The following DACH2 variants were observed in gnomAD, a reference collection of about 807,000 sequenced individuals.
The protein encoded by DACH2 is dachshund homolog 2.
In DACH2, 17 loss-of-function variants were observed where a neutral mutation model predicts 35.8. That is an observed-to-expected ratio of 0.48 (90% CI 0.33 to 0.71). The LOEUF is 0.71. Among genes scored for constraint, DACH2 ranks in the 30% least tolerant of loss-of-function variants. The pLI, the probability that DACH2 is intolerant of heterozygous loss-of-function variation, is 0.02. For missense variants in DACH2, 469 were observed against 472.7 expected (o/e 0.99, Z 0.07); for synonymous variants, 195 against 177.3 (o/e 1.10, Z -0.79).
chrX:86,597,552 T>A (rs2148355098), intron 3 of DACH2, among the ~76,000 whole-genome samples: 1 of 111,837 alleles, frequency 8.9e-6, no homozygotes, highest in African/African-American at 3.2e-5. Flanking sequence ...TTCTTTAAAT[T>A]TATTGAGATT....
At chrX:86,738,904 C>T (rs192353661) in intron 6 of DACH2, among the ~76,000 whole-genome samples, 2 of 111,005 alleles carry the variant, frequency 1.8e-5, no homozygotes, top group Admixed American at 1.9e-4. Context: ...TGAAGTTTTG[C>T]TCTTGTTGCC....
intron 1 of DACH2, among the ~76,000 whole-genome samples, chrX:86,359,205 G>A (rs1222457092): frequency 2.8e-5 from 3 of 107,904 alleles, no homozygotes; most frequent in African/African-American, 1.0e-4. Flanking sequence ...TATTGATTCT[G>A]GTGAGAAATA....
chrX:86,344,527 T>A (rs1382710887), intron 1 of DACH2, among the ~76,000 whole-genome samples: 1 of 110,574 alleles, frequency 9.0e-6, no homozygotes, highest in Non-Finnish European at 1.9e-5. Flanking sequence ...CTGAAATGTG[T>A]TTTAGAGAAA....
Position 86,465,285 on chromosome X carries a change from T to C in DACH2, c.528-48994T>C, listed in dbSNP as rs962267622. On this transcript the variant is annotated intron_variant, in intron 2 of 11. Transcript: ENST00000373125. ...TACTTTTACTTCTTTTGCAAACCCT[T>C]TGTCTTGATACAGTCTGGAATATTT... Among the ~76,000 whole-genome samples, 6 of 112,135 alleles carry C rather than the reference T, an allele frequency of 5.4e-5. No homozygotes were observed. The East Asian group carries it at 1.7e-3, about 31-fold the overall frequency.
chrX:86,749,887 G>T (rs1474457601), intron 7 of DACH2, among the ~76,000 whole-genome samples: 1 of 111,258 alleles, frequency 9.0e-6, no homozygotes. Context: ...GCTCACTGCT[G>T]TGTATAGAAA....
intron 2 of DACH2, among the ~76,000 whole-genome samples, chrX:86,463,615 G>A (rs1443715557): frequency 9.0e-6 from 1 of 111,251 alleles, no homozygotes; most frequent in Non-Finnish European, 1.9e-5. Flanking sequence ...ACAGGCATGG[G>A]CAAAGACTTC....
chrX:86,582,420 G>A (rs781398064), intron 3 of DACH2, among the ~76,000 whole-genome samples: 1 of 110,974 alleles, frequency 9.0e-6, no homozygotes, highest in South Asian at 3.7e-4. Flanking sequence ...ATGAATTCAG[G>A]AGTTTATTTT....
intron 3 of DACH2, among the ~76,000 whole-genome samples, chrX:86,634,925 C>T (rs1463212973): frequency 9.0e-6 from 1 of 111,281 alleles, no homozygotes; most frequent in Non-Finnish European, 1.9e-5. Flanking sequence ...AGCTGAATTA[C>T]ACTAGATATA....
chrX:86,378,444 G>A (rs1382304045), intron 2 of DACH2, among the ~76,000 whole-genome samples: 1 of 110,144 alleles, frequency 9.1e-6, no homozygotes, highest in Non-Finnish European at 1.9e-5. Context: ...TGGTGAACCA[G>A]GGAGTATATA....
chrX:86,292,033 C>T (rs1423710950), intron 1 of DACH2, among the ~76,000 whole-genome samples: 12 of 63,746 alleles, frequency 1.9e-4, no homozygotes, highest in African/African-American at 6.4e-4. Context: ...TGGTAGAATT[C>T]GGCTGTGAAT....
chrX:86,293,694 G>T (rs2034366119), intron 1 of DACH2, among the ~76,000 whole-genome samples: 1 of 110,582 alleles, frequency 9.0e-6, no homozygotes, highest in Non-Finnish European at 1.9e-5. Flanking sequence ...GCTTAGTTTG[G>T]CTGGATATGA....
At chrX:86,454,264 C>A (rs953185216) in intron 2 of DACH2, among the ~76,000 whole-genome samples, 4 of 110,760 alleles carry the variant, frequency 3.6e-5, no homozygotes, top group African/African-American at 1.3e-4. Flanking sequence ...TTGGGGTGGA[C>A]CTTATCATGG....
At chrX:86,397,849 C>A in intron 2 of DACH2, among the ~76,000 whole-genome samples, 1 of 111,616 alleles carries the variant, frequency 9.0e-6, no homozygotes. Flanking sequence ...GTCTAAAATT[C>A]TCTTTTTTGG....
chrX:86,816,191 G>T (rs1255797754), intron 11 of DACH2, 92 bp downstream of exon 11: 41 of 470,245 alleles, frequency 8.7e-5, no homozygotes, highest in Non-Finnish European at 1.4e-4. Context: ...CTTCTGTGAT[G>T]ATACTCTTCA....
At chrX:86,514,498 T>TGA in intron 3 of DACH2, 107 bp downstream of exon 3, 2 of 741,443 alleles carry the variant, frequency 2.7e-6, no homozygotes, top group Non-Finnish European at 3.8e-6. Flanking sequence ...TTTCAAGCTC[T>TGA]ATTAGAGGTT....
intron 2 of DACH2, among the ~76,000 whole-genome samples, chrX:86,499,764 A>C (rs1175643006): frequency 1.8e-5 from 2 of 112,330 alleles, no homozygotes; most frequent in Non-Finnish European, 3.7e-5. Context: ...TCACATAAAA[A>C]ATGAAAACGA....
At chrX:86,541,277 C>G (rs183626427) in intron 3 of DACH2, among the ~76,000 whole-genome samples, 2 of 111,308 alleles carry the variant, frequency 1.8e-5, no homozygotes, top group Non-Finnish European at 3.8e-5. Context: ...GTGATAAATG[C>G]TTCTTTACAT....
chrX:86,427,822 C>G (rs1286467679), intron 2 of DACH2, among the ~76,000 whole-genome samples: 1 of 111,789 alleles, frequency 8.9e-6, no homozygotes, highest in Non-Finnish European at 1.9e-5. Context: ...ACCTAGCTGA[C>G]AGTAAAAGGA....
At chrX:86,723,003 C>T (rs1369012373) in intron 6 of DACH2, among the ~76,000 whole-genome samples, 1 of 111,697 alleles carries the variant, frequency 9.0e-6, no homozygotes, top group Non-Finnish European at 1.9e-5. Flanking sequence ...AATCCCGCTA[C>T]TCATTATTGT....
Sources: allele counts gnomAD v4.1 joint callset (sites outside exome capture counted in the v4.1 genomes callset), GRCh38; gene constraint gnomAD v4.1.1; transcripts MANE v1.5; gene names NCBI Gene and HGNC (gene_info 2026-07-23, HGNC 2026-07-21).